NTM: variants seen among roughly 807,000 people sequenced by gnomAD.
NTM encodes neurotrimin.
In NTM, 13 loss-of-function variants were observed where a neutral mutation model predicts 42.1. The ratio of observed to expected loss-of-function variants is 0.31; its 90% CI spans 0.20 to 0.49. The LOEUF is 0.49. Among genes scored for constraint, NTM ranks in the 20% least tolerant of loss-of-function variants. The probability of loss-of-function intolerance (pLI) is 0.99; values close to 1 mark genes in which losing one functional copy is unlikely to be tolerated. For synonymous variants in NTM, 187 were observed against 179.2 expected (o/e 1.04, Z -0.35); for missense variants, 373 against 452.8 (o/e 0.82, Z 1.60).
intron 2 of NTM, among the ~76,000 whole-genome samples, chr11:131,986,811 G>A (rs1490298291): frequency 1.3e-5 from 2 of 152,088 alleles, no homozygotes; most frequent in Non-Finnish European, 2.9e-5. Flanking sequence ...GGTTCAATAA[G>A]TATTCATTGA....
At position 132,254,145 on chromosome 11, in the gene NTM, C is replaced by A. The variant is rs187914912; in HGVS notation, c.526+41998C>A. 4.6e-5 allele frequency among the ~76,000 whole-genome samples: 7 copies of A among 152,288 alleles called. No homozygotes were observed. In the East Asian group the frequency reaches 5.8e-4, roughly 13 times the overall value. ...GATTTGAGCTGCCAAGTAAAGCCGG[C>A]AGCCAGGCACTTAGCCCTTAGACGC... On this transcript the variant is annotated intron_variant, in intron 4 of 8. Transcript: ENST00000683400.
rs532133486 is a variant in NTM, at chr11:131,610,951, G to A, written c.82+240063G>A. ...TAAGAAAAATTGATCTGGTGAAAGC[G>A]TGCAGAATCGATTGGATTGGAGGCA... On this transcript the variant is annotated intron_variant, in intron 1 of 8. Transcript: ENST00000683400. Among the ~76,000 whole-genome samples the A allele has an allele frequency of 8.5e-5, 13 of 152,304 alleles. No homozygotes were observed. In the South Asian group the frequency reaches 1.9e-3, roughly 22 times the overall value.
intron 2 of NTM, among the ~76,000 whole-genome samples, chr11:131,913,042 C>G (rs1278942945): frequency 6.6e-6 from 1 of 152,164 alleles, no homozygotes; most frequent in Non-Finnish European, 1.5e-5. Context: ...CGAGACCCAC[C>G]TCTTCCACTC....
chr11:131,575,530 ATAGT>A (rs1484200520), intron 1 of NTM, among the ~76,000 whole-genome samples: 2 of 152,216 alleles, frequency 1.3e-5, no homozygotes, highest in Admixed American at 6.5e-5. Context: ...ACTGAGGAGC[ATAGT>A]TAATGAAATT....
At chr11:131,583,151 G>A (rs536725634) in intron 1 of NTM, among the ~76,000 whole-genome samples, 1 of 152,228 alleles carries the variant, frequency 6.6e-6, no homozygotes, top group East Asian at 1.9e-4. Context: ...AGTACCAACA[G>A]AGCAGATTAT....
At chr11:131,497,862 A>T (rs1217319425) in intron 1 of NTM, among the ~76,000 whole-genome samples, 1 of 151,822 alleles carries the variant, frequency 6.6e-6, no homozygotes, top group Non-Finnish European at 1.5e-5. Flanking sequence ...ATCCTTAGTC[A>T]CCTGTTCTGT....
At chr11:131,747,179 C>G (rs2081931520) in intron 1 of NTM, among the ~76,000 whole-genome samples, 1 of 152,166 alleles carries the variant, frequency 6.6e-6, no homozygotes, top group Non-Finnish European at 1.5e-5. Context: ...CTTCTCACTA[C>G]TACAATCTAT....
At chr11:132,067,578 T>C (rs1311716313) in intron 2 of NTM, among the ~76,000 whole-genome samples, 1 of 152,188 alleles carries the variant, frequency 6.6e-6, no homozygotes, top group Non-Finnish European at 1.5e-5. Flanking sequence ...AGAATAACAG[T>C]TGTAGGCACT....
intron 1 of NTM, among the ~76,000 whole-genome samples, chr11:131,467,611 C>G (rs980770622): frequency 6.6e-6 from 1 of 152,186 alleles, no homozygotes; most frequent in African/African-American, 2.4e-5. Context: ...GAGTGTTGGA[C>G]TAAACCAGTG....
rs571733494 is a variant in NTM, at chr11:132,070,998, C to T, written c.168-75284C>T. Among the ~76,000 whole-genome samples, 6 of 142,002 alleles carry T rather than the reference C, an allele frequency of 4.2e-5. No homozygotes were observed. In the South Asian group the frequency reaches 1.2e-3, roughly 29 times the overall value. 93.2% of individuals were successfully genotyped at this position (142,002 alleles called of 152,430 possible). On this transcript the variant is annotated intron_variant, in intron 2 of 8. Transcript: ENST00000683400. ...AACACGTCACACAGCCAAGTTAACA[C>T]GTCACACTGACCATCACAGGTTGGT...
chr11:132,066,789 G>A (rs2056566672), intron 2 of NTM, among the ~76,000 whole-genome samples: 1 of 151,894 alleles, frequency 6.6e-6, no homozygotes, highest in East Asian at 1.9e-4. Flanking sequence ...TAATTGCATT[G>A]CATTTAGGAC....
intron 7 of NTM, among the ~76,000 whole-genome samples, chr11:132,315,259 C>A (rs60776337): frequency 6.6e-6 from 1 of 152,270 alleles, no homozygotes; most frequent in East Asian, 1.9e-4. Flanking sequence ...GCCCCACCTT[C>A]GTCACATATC....
At chr11:132,302,798 A>G (rs1229917170) in intron 4 of NTM, among the ~76,000 whole-genome samples, 1 of 152,222 alleles carries the variant, frequency 6.6e-6, no homozygotes, top group Non-Finnish European at 1.5e-5. Flanking sequence ...GGTGTGCTCC[A>G]TCACTGACCA....
chr11:131,600,524 A>G (rs2060387455), intron 1 of NTM, among the ~76,000 whole-genome samples: 1 of 152,230 alleles, frequency 6.6e-6, no homozygotes, highest in Non-Finnish European at 1.5e-5. Context: ...AAGCATTTTA[A>G]TAAGCCTTTT....
At chr11:132,191,479 G>A (rs552337266) in intron 3 of NTM, among the ~76,000 whole-genome samples, 4 of 152,256 alleles carry the variant, frequency 2.6e-5, no homozygotes, top group Non-Finnish European at 2.9e-5. Flanking sequence ...AGCTTGCATC[G>A]CAGTCAAGCC....
At chr11:131,508,350 A>G (rs1449589797) in intron 1 of NTM, among the ~76,000 whole-genome samples, 14 of 149,602 alleles carry the variant, frequency 9.4e-5, no homozygotes, top group African/African-American at 3.5e-4. Flanking sequence ...ATCTCACACC[A>G]GTTAGAATGG....
chr11:131,706,963 C>T (rs1032370558), intron 1 of NTM, among the ~76,000 whole-genome samples: 13 of 151,850 alleles, frequency 8.6e-5, no homozygotes, highest in Non-Finnish European at 1.3e-4. Context: ...ATATTTTAAC[C>T]TCACTACTTA....
At chr11:131,608,119 T>A (rs1458662654) in intron 1 of NTM, among the ~76,000 whole-genome samples, 1 of 152,166 alleles carries the variant, frequency 6.6e-6, no homozygotes, top group Non-Finnish European at 1.5e-5. Context: ...ATTGTTCAAT[T>A]CCCACCTATG....
chr11:132,116,471 G>C (rs1212664898), intron 2 of NTM, among the ~76,000 whole-genome samples: 1 of 152,228 alleles, frequency 6.6e-6, no homozygotes, highest in African/African-American at 2.4e-5. Context: ...TGGATACAGA[G>C]CAAGGCAGAG....
Sources: gnomAD v4.1 joint callset for allele counts (sites outside exome capture counted in the v4.1 genomes callset) on GRCh38, gnomAD v4.1.1 for gene constraint, MANE v1.5 for transcripts, NCBI Gene and HGNC (gene_info 2026-07-23, HGNC 2026-07-21) for gene names.